Variants in ZNF804B observed in about 807,000 individuals in gnomAD.
The protein encoded by ZNF804B is zinc finger protein 804B, also known as zinc finger 804B.
In ZNF804B, 80 loss-of-function variants were observed where a neutral mutation model predicts 101.4. That is an observed-to-expected ratio of 0.79 (90% CI 0.66 to 0.95). The LOEUF (loss-of-function observed/expected upper bound fraction) is 0.95, where lower values mean the gene tolerates loss of function less well. Ranked by LOEUF, ZNF804B falls within the 40% of genes least tolerant of loss-of-function variation. The pLI, the probability that ZNF804B is intolerant of heterozygous loss-of-function variation, is 0.00. For synonymous variants in ZNF804B, 622 were observed against 558.8 expected, an observed-to-expected ratio of 1.11 and a Z score of -1.59; for missense variants, 1,673 against 1,561.9, an observed-to-expected ratio of 1.07 and a Z score of -1.20.
chr7:89,331,619 A>G (rs1484979817), intron 3 of ZNF804B, among the ~76,000 whole-genome samples: 8 of 151,726 alleles, frequency 5.3e-5, no homozygotes, highest in Non-Finnish European at 8.9e-5. Flanking sequence ...GAGACGTTCT[A>G]AAATCATTAA....
chr7:89,074,516 G>T (rs1789587829), intron 1 of ZNF804B, among the ~76,000 whole-genome samples: 1 of 152,164 alleles, frequency 6.6e-6, no homozygotes, highest in South Asian at 2.1e-4. Context: ...CATGTAATAT[G>T]TGAATTGCTC....
At chr7:88,977,410 C>G (rs546943300) in intron 1 of ZNF804B, among the ~76,000 whole-genome samples, 1 of 151,202 alleles carries the variant, frequency 6.6e-6, no homozygotes, top group African/African-American at 2.4e-5. Context: ...TTTAGTATAG[C>G]CTCTATTTTA....
Position 89,337,846 on chromosome 7 carries a change from A to G in ZNF804B, c.*814A>G, listed in dbSNP as rs2116014960. ...TATTGGTCAATCTGTCAAATATAAC[A>G]GGAACTAAAATATTGTTTATTATTC... On this transcript the variant is annotated 3_prime_UTR_variant, in exon 4 of 4. Coordinates refer to ENST00000333190, the MANE Select transcript of ZNF804B (RefSeq NM_181646.5). Among the ~76,000 whole-genome samples, 1 of 152,240 alleles carries G rather than the reference A, an allele frequency of 6.6e-6. No individual in the cohort carries two copies. Among genetic ancestry groups the G allele is most frequent in the East Asian group, 1.9e-4 (1 of 5,192 alleles).
chr7:89,185,959 A>T (rs1788369548), intron 1 of ZNF804B, among the ~76,000 whole-genome samples: 1 of 152,146 alleles, frequency 6.6e-6, no homozygotes, highest in Non-Finnish European at 1.5e-5. Context: ...AAAACTGTGG[A>T]AGTCATGTAG....
At chr7:89,218,065 C>CT (rs1421424975) in intron 1 of ZNF804B, 90 bp from the exon 2 acceptor site, 1 of 1,327,386 alleles carries the variant, frequency 7.5e-7, no homozygotes, top group East Asian at 2.3e-5. Flanking sequence ...CGTCATATTT[C>CT]TTTAAGTTAA....
intron 1 of ZNF804B, among the ~76,000 whole-genome samples, chr7:88,770,144 A>C (rs143637731): frequency 1.5e-4 from 23 of 152,278 alleles, no homozygotes; most frequent in African/African-American, 5.1e-4. Flanking sequence ...TAAATATATC[A>C]CTATGGTAGG....
At chr7:88,936,664 A>G (rs913420854) in intron 1 of ZNF804B, among the ~76,000 whole-genome samples, 1 of 152,080 alleles carries the variant, frequency 6.6e-6, no homozygotes, top group African/African-American at 2.4e-5. Flanking sequence ...ACATTCTTCA[A>G]TCTTCCTTCT....
chr7:88,850,257 G>A (rs1791433590), intron 1 of ZNF804B, among the ~76,000 whole-genome samples: 1 of 152,062 alleles, frequency 6.6e-6, no homozygotes, highest in South Asian at 2.1e-4. Context: ...GGCACAACAT[G>A]GGGAGAGGGA....
intron 2 of ZNF804B, among the ~76,000 whole-genome samples, chr7:89,240,116 C>T (rs900900192): frequency 2.6e-5 from 4 of 150,978 alleles, no homozygotes; most frequent in South Asian, 2.1e-4. Context: ...AAAAGAGAAG[C>T]ATGATTTATT....
intron 2 of ZNF804B, among the ~76,000 whole-genome samples, chr7:89,261,210 G>C (rs1789708025): frequency 6.6e-6 from 1 of 152,058 alleles, no homozygotes; most frequent in Non-Finnish European, 1.5e-5. Context: ...TCTCTGAACT[G>C]TAATAGAGCC....
intron 1 of ZNF804B, among the ~76,000 whole-genome samples, chr7:88,813,380 A>C (rs941080606): frequency 6.0e-5 from 9 of 151,006 alleles, no homozygotes; most frequent in Non-Finnish European, 1.2e-4. Flanking sequence ...AGCCGAGATC[A>C]CGCCACAGCA....
At chr7:89,043,335 A>T (rs993226428) in intron 1 of ZNF804B, among the ~76,000 whole-genome samples, 3 of 152,222 alleles carry the variant, frequency 2.0e-5, no homozygotes, top group African/African-American at 7.2e-5. Context: ...AATTAATTCA[A>T]TGTGAATTTT....
At chr7:88,800,747 A>G (rs1264364040) in intron 1 of ZNF804B, among the ~76,000 whole-genome samples, 2 of 150,646 alleles carry the variant, frequency 1.3e-5, no homozygotes, top group Non-Finnish European at 3.0e-5. Flanking sequence ...TAAAGCATAA[A>G]CAGCAGAGGG....
chr7:88,885,331 A>G (rs1792109993), intron 1 of ZNF804B, among the ~76,000 whole-genome samples: 1 of 151,668 alleles, frequency 6.6e-6, no homozygotes. Context: ...ACTAGCTTGT[A>G]TTTACTATGC....
At chr7:88,928,396 T>C (rs1792837027) in intron 1 of ZNF804B, among the ~76,000 whole-genome samples, 1 of 152,184 alleles carries the variant, frequency 6.6e-6, no homozygotes, top group South Asian at 2.1e-4. Context: ...TATACAGTTT[T>C]AAGTATTTTT....
chr7:89,003,484 A>G (rs1288518617), intron 1 of ZNF804B, among the ~76,000 whole-genome samples: 1 of 151,990 alleles, frequency 6.6e-6, no homozygotes, highest in Non-Finnish European at 1.5e-5. Context: ...AGATATTGGC[A>G]AACCTTTTAC....
chr7:88,915,266 T>C (rs897231961), intron 1 of ZNF804B, among the ~76,000 whole-genome samples: 4 of 152,102 alleles, frequency 2.6e-5, no homozygotes, highest in Non-Finnish European at 5.9e-5. Flanking sequence ...TGCCTGCCAA[T>C]AGATTTTGCC....
chr7:89,172,137 G>A (rs965917190), intron 1 of ZNF804B, among the ~76,000 whole-genome samples: 1 of 152,140 alleles, frequency 6.6e-6, no homozygotes, highest in South Asian at 2.1e-4. Flanking sequence ...ATAATAAGTT[G>A]TGAACTAGTA....
intron 1 of ZNF804B, among the ~76,000 whole-genome samples, chr7:88,990,067 T>C (rs2116151188): frequency 6.6e-6 from 1 of 152,114 alleles, no homozygotes; most frequent in African/African-American, 2.4e-5. Flanking sequence ...TGATAACTAA[T>C]ATTACTTAGT....
Sources: gnomAD v4.1 joint callset for allele counts (sites outside exome capture counted in the v4.1 genomes callset) on GRCh38, gnomAD v4.1.1 for gene constraint, MANE v1.5 for transcripts, NCBI Gene and HGNC (gene_info 2026-07-23, HGNC 2026-07-21) for gene names.